The following LRP1B variants were observed in gnomAD, a reference collection of about 807,000 sequenced individuals.
LRP1B encodes low-density lipoprotein receptor-related protein 1B.
LRP1B carries 217 observed loss-of-function variants against 556.6 expected under a neutral mutation model. The observed-to-expected ratio is 0.39, with a 90% CI of 0.35 to 0.44. The LOEUF (loss-of-function observed/expected upper bound fraction) is 0.44, where lower values mean the gene tolerates loss of function less well. Ranked by LOEUF, LRP1B falls within the 20% of genes least tolerant of loss-of-function variation. LRP1B has a pLI of 1.00. For missense variants in LRP1B, 5,053 were observed against 5,620.8 expected, an observed-to-expected ratio of 0.90 and a Z score of 3.23; for synonymous variants, 2,047 against 1,865.8, an observed-to-expected ratio of 1.10 and a Z score of -2.50.
Position 142,086,538 on chromosome 2 carries a change from G to A in LRP1B, c.82+44110C>T, listed in dbSNP as rs898928708. Among the ~76,000 whole-genome samples, 3 of 151,926 alleles carry A rather than the reference G, an allele frequency of 2.0e-5. No homozygotes were observed. In the East Asian group the frequency reaches 5.8e-4, roughly 29 times the overall value. ...GAGAAACGTTTGAACCCGGGAGGCG[G>A]GAGGCAGAGGTCTCAGTGGGCCTAA... On this transcript the variant is annotated intron_variant, in intron 1 of 90. Transcript: ENST00000389484.
chr2:141,196,373 TA>T (rs1253517998), intron 6 of LRP1B, among the ~76,000 whole-genome samples: 3 of 152,132 alleles, frequency 2.0e-5, no homozygotes, highest in Non-Finnish European at 4.4e-5. Context: ...TTCTGCTATA[TA>T]AGACTAGAAA....
rs142051427 is a variant in LRP1B at position 141,048,972 on chromosome 2, A to T, written c.1789+14T>A. On this transcript the variant is annotated intron_variant, in intron 11 of 90. Coordinates refer to ENST00000389484, the MANE Select transcript of LRP1B (RefSeq NM_018557.3). ...CTCTGGGTAGTTTGATGTTAATGTCACAGTGTCACTTACCATCTTTCAGGA... is the reference window on the plus strand; with the variant it reads ...CTCTGGGTAGTTTGATGTTAATGTCTCAGTGTCACTTACCATCTTTCAGGA... 19,085 of 1,574,980 alleles carry T rather than the reference A, an allele frequency of 0.012. 168 individuals carry two copies. Among genetic ancestry groups the T allele is most frequent in the Middle Eastern group, 0.027 (163 of 5,972 alleles).
intron 1 of LRP1B, among the ~76,000 whole-genome samples, chr2:141,985,268 C>A (rs1702153671): frequency 6.6e-6 from 1 of 152,064 alleles, no homozygotes; most frequent in Non-Finnish European, 1.5e-5. Flanking sequence ...CAAATCAGGT[C>A]AGTAGTTTGA....
At chr2:142,073,394 G>T (rs536086465) in intron 1 of LRP1B, among the ~76,000 whole-genome samples, 2 of 152,052 alleles carry the variant, frequency 1.3e-5, no homozygotes, top group African/African-American at 2.4e-5. Context: ...TACAGTAAAG[G>T]TCCTTCAACA....
chr2:141,661,639 T>C (rs1312320480), intron 2 of LRP1B, among the ~76,000 whole-genome samples: 1 of 151,804 alleles, frequency 6.6e-6, no homozygotes, highest in Admixed American at 6.6e-5. Context: ...GAAAAAAGAA[T>C]GAAAGGGAAA....
At chr2:140,866,168 A>G (rs1692944888) in intron 27 of LRP1B, among the ~76,000 whole-genome samples, 3 of 152,140 alleles carry the variant, frequency 2.0e-5, no homozygotes, top group Admixed American at 2.0e-4. Flanking sequence ...AGGGACAAAA[A>G]TACAGTTGTG....
At chr2:142,110,153 G>A (rs558001321) in intron 1 of LRP1B, among the ~76,000 whole-genome samples, 2 of 152,044 alleles carry the variant, frequency 1.3e-5, no homozygotes, top group South Asian at 4.2e-4. Context: ...TGTTATACAA[G>A]CCCATCATTC....
intron 1 of LRP1B, among the ~76,000 whole-genome samples, chr2:141,944,240 T>C (rs149868505): frequency 4.6e-5 from 7 of 152,304 alleles, no homozygotes; most frequent in African/African-American, 1.7e-4. Flanking sequence ...TGATACACAC[T>C]AGAGCAGCTT....
At chr2:141,693,044 A>C (rs1204558541) in intron 2 of LRP1B, among the ~76,000 whole-genome samples, 5 of 151,978 alleles carry the variant, frequency 3.3e-5, no homozygotes, top group Admixed American at 2.6e-4. Context: ...TAACCAAGTA[A>C]AGAGCTCTTC....
chr2:141,704,781 T>G (rs903750585), intron 2 of LRP1B, among the ~76,000 whole-genome samples: 9 of 151,980 alleles, frequency 5.9e-5, no homozygotes, highest in African/African-American at 2.2e-4. Context: ...TATCTTCCCA[T>G]GTCATCAACC....
chr2:140,341,247 C>T (rs1030069430), intron 77 of LRP1B, among the ~76,000 whole-genome samples: 1 of 151,686 alleles, frequency 6.6e-6, no homozygotes, highest in Non-Finnish European at 1.5e-5. Context: ...TGCTGAGTTT[C>T]GTAGATCATT....
intron 1 of LRP1B, among the ~76,000 whole-genome samples, chr2:141,954,703 C>T (rs1003966485): frequency 6.6e-6 from 1 of 151,984 alleles, no homozygotes; most frequent in African/African-American, 2.4e-5. Flanking sequence ...GCGTTCATAT[C>T]TTCAGGTCTT....
chr2:140,606,811 A>T (rs774265844), intron 41 of LRP1B, among the ~76,000 whole-genome samples: 1 of 152,012 alleles, frequency 6.6e-6, no homozygotes, highest in African/African-American at 2.4e-5. Context: ...AACTAAAAAT[A>T]TACCTTAAAC....
At chr2:141,658,168 A>C (rs1690085469) in intron 2 of LRP1B, among the ~76,000 whole-genome samples, 1 of 152,192 alleles carries the variant, frequency 6.6e-6, no homozygotes, top group South Asian at 2.1e-4. Flanking sequence ...TGAGAGGAAA[A>C]GGTAAAAGAA....
intron 3 of LRP1B, among the ~76,000 whole-genome samples, chr2:141,269,154 G>T (rs930856334): frequency 2.6e-5 from 4 of 152,162 alleles, no homozygotes; most frequent in African/African-American, 7.2e-5. Context: ...CAGAGCATGG[G>T]AAAGCTCAAG....
intron 55 of LRP1B, among the ~76,000 whole-genome samples, chr2:140,500,409 T>C (rs1689132293): frequency 1.3e-5 from 2 of 151,968 alleles, no homozygotes; most frequent in South Asian, 4.1e-4. Context: ...TGTCATAGCA[T>C]GCTAAGGCTG....
intron 17 of LRP1B, 111 bp from the exon 18 acceptor site, chr2:140,982,387 TTAAAA>T (rs1196355906): frequency 4.6e-5 from 30 of 648,946 alleles, no homozygotes; most frequent in African/African-American, 1.9e-4. Flanking sequence ...TGTTTCTCTA[TTAAAA>T]TAAAATATTT....
intron 21 of LRP1B, among the ~76,000 whole-genome samples, chr2:140,910,745 A>G (rs571992060): frequency 2.2e-4 from 34 of 151,848 alleles, no homozygotes; most frequent in Non-Finnish European, 4.6e-4. Context: ...ACTAGTTGAC[A>G]TCCTTCCTAC....
At chr2:141,093,610 G>C (rs534516448) in intron 7 of LRP1B, among the ~76,000 whole-genome samples, 18 of 152,000 alleles carry the variant, frequency 1.2e-4, no homozygotes, top group Non-Finnish European at 2.5e-4. Flanking sequence ...GCTGTGGAGA[G>C]TTAGATTTAA....
Sources: gnomAD v4.1 joint callset for allele counts (sites outside exome capture counted in the v4.1 genomes callset) on GRCh38, gnomAD v4.1.1 for gene constraint, MANE v1.5 for transcripts, NCBI Gene and HGNC (gene_info 2026-07-23, HGNC 2026-07-21) for gene names.